The following PRKN variants were observed in gnomAD, a reference collection of about 807,000 sequenced individuals.
PRKN encodes the protein E3 ubiquitin-protein ligase parkin.
PRKN carries 56 observed loss-of-function variants against 59.5 expected under a neutral mutation model. The ratio of observed to expected loss-of-function variants is 0.94; its 90% confidence interval spans 0.76 to 1.18. PRKN has a LOEUF of 1.18. Among genes scored for constraint, PRKN ranks in the 50% most tolerant of loss-of-function variants. The pLI is 0.00. For synonymous variants in PRKN, 250 were observed against 222.1 expected, an observed-to-expected ratio of 1.13 and a Z score of -1.12; for missense variants, 657 against 596.4, an observed-to-expected ratio of 1.10 and a Z score of -1.06.
rs78133676 is a variant in PRKN, at chr6:162,268,593, T to G, written c.172-5828A>C. ...CCAAGAGAACTGTGCCTGGCACAGA[T>G]AATGCTGTTTTACAGATTACTTATT... On this transcript the variant is annotated intron_variant, in intron 2 of 11. Transcript: ENST00000366898. Among the ~76,000 whole-genome samples, 1,262 of 152,344 alleles carry G rather than the reference T, an allele frequency of 8.3e-3. 25 individuals are homozygous for G. Among genetic ancestry groups the G allele is most frequent in the South Asian group, 0.064 (310 of 4,824 alleles).
At chr6:162,377,540 G>A (rs982121393) in intron 2 of PRKN, among the ~76,000 whole-genome samples, 1 of 152,200 alleles carries the variant, frequency 6.6e-6, no homozygotes, top group Non-Finnish European at 1.5e-5. Flanking sequence ...CTGTCCAAAA[G>A]AGGGGATCTA....
chr6:161,719,549 A>C (rs1029308783), intron 7 of PRKN, among the ~76,000 whole-genome samples: 1 of 152,200 alleles, frequency 6.6e-6, no homozygotes, highest in South Asian at 2.1e-4. Flanking sequence ...GATATAATTT[A>C]AGTCATCTCT....
chr6:161,364,019 A>T (rs559583281), intron 10 of PRKN, among the ~76,000 whole-genome samples: 1 of 151,986 alleles, frequency 6.6e-6, no homozygotes, highest in East Asian at 1.9e-4. Context: ...ATTACAAAAA[A>T]TTAGCTGGGC....
intron 4 of PRKN, among the ~76,000 whole-genome samples, chr6:162,164,205 G>C (rs1477597663): frequency 6.7e-6 from 1 of 148,910 alleles, no homozygotes; most frequent in African/African-American, 2.5e-5. Flanking sequence ...AAAAGGTTTT[G>C]AGTGGTCAAC....
intron 7 of PRKN, among the ~76,000 whole-genome samples, chr6:161,740,140 C>T (rs760462953): frequency 2.6e-5 from 4 of 152,154 alleles, no homozygotes; most frequent in Admixed American, 6.5e-5. Context: ...CTGCCCAAAG[C>T]GACTTGACAT....
chr6:161,373,496 G>C lies in PRKN; in HGVS notation c.1168-13291C>G, dbSNP rs1411908026. On this transcript the variant is annotated intron_variant, in intron 10 of 11. Coordinates refer to ENST00000366898, the MANE Select transcript of PRKN (RefSeq NM_004562.3). The surrounding 1 kb of genome is among the most constrained non-coding windows in gnomAD (Gnocchi z 4.8). ...AGAACAGCAGTGCTGAGCCTAAATGGGCTATGCCTCTGTGCTTACAGGGGT... is the reference window on the plus strand; with the variant it reads ...AGAACAGCAGTGCTGAGCCTAAATGCGCTATGCCTCTGTGCTTACAGGGGT... 6.6e-6 allele frequency among the ~76,000 whole-genome samples: 1 copy of C among 152,140 alleles called. No individual in the cohort carries two copies. The highest frequency in any genetic ancestry group is 1.5e-5 in the Non-Finnish European group (1 of 68,034).
chr6:161,972,222 C>A (rs1448452023), intron 6 of PRKN, among the ~76,000 whole-genome samples: 2 of 149,340 alleles, frequency 1.3e-5, no homozygotes, highest in Non-Finnish European at 3.0e-5. Context: ...TGCAGTGAGC[C>A]GAGATCCCGC....
chr6:162,437,154 T>C (rs916565809), intron 2 of PRKN, among the ~76,000 whole-genome samples: 1 of 152,104 alleles, frequency 6.6e-6, no homozygotes. Context: ...TCTCTATAAG[T>C]TTTACTCACC....
chr6:161,473,606 T>C lies in PRKN; in HGVS notation c.1083+75248A>G, dbSNP rs531226370. 2.6e-3 allele frequency among the ~76,000 whole-genome samples: 396 copies of C among 151,686 alleles called. 1 individual carries two copies. Among genetic ancestry groups the C allele is most frequent in the African/African-American group, 8.9e-3 (369 of 41,356 alleles). On this transcript the variant is annotated intron_variant, in intron 9 of 11. Transcript: ENST00000366898. The surrounding 1 kb of genome is among the most constrained non-coding windows in gnomAD (Gnocchi z 4.1). Reference sequence around the variant, plus strand: ...AATTGTGGCAGAAAATGGGGAGATATGGGTCAAAGCATACAAAGTTACAGG... The same window carrying C: ...AATTGTGGCAGAAAATGGGGAGATACGGGTCAAAGCATACAAAGTTACAGG...
At chr6:162,213,272 G>C (rs186775975) in intron 3 of PRKN, among the ~76,000 whole-genome samples, 1 of 152,130 alleles carries the variant, frequency 6.6e-6, no homozygotes, top group Non-Finnish European at 1.5e-5. Flanking sequence ...GAAATCTCAT[G>C]GACTCAACAC....
intron 6 of PRKN, among the ~76,000 whole-genome samples, chr6:161,863,396 T>A (rs1793987266): frequency 6.6e-6 from 1 of 152,084 alleles, no homozygotes; most frequent in Non-Finnish European, 1.5e-5. Context: ...TGCTCAGGAC[T>A]GACAAACATG....
rs141859050 is a variant in PRKN, at chr6:161,475,996, T to C, written c.1083+72858A>G. 0.073 allele frequency among the ~76,000 whole-genome samples: 11,095 copies of C among 151,842 alleles called. 475 individuals are homozygous for C. Among genetic ancestry groups the C allele is most frequent in the African/African-American group, 0.12 (4,819 of 41,454 alleles). ...GGTCAGGAGATGGAGACCATCCTGG[T>C]TAACACGGTGAAAGCCTGTCTCTAC... is the stretch of plus-strand genomic sequence containing the variant. On this transcript the variant is annotated intron_variant, in intron 9 of 11. Transcript: ENST00000366898. This position sits in a 1 kb window ranked among gnomAD's most constrained non-coding sequence, Gnocchi z 5.3.
In PRKN at chr6:161,550,738, C is replaced by CGTGTGTGTGT. The variant is rs57908717; in HGVS notation, c.934-1745_934-1736dup. Among the ~76,000 whole-genome samples the CGTGTGTGTGT allele has an allele frequency of 0.019, 2,841 of 146,284 alleles. 57 individuals are homozygous for CGTGTGTGTGT. The highest frequency in any genetic ancestry group is 0.047 in the African/African-American group (1,838 of 38,736). Reference sequence around the variant, plus strand: ...AAGAAAGGGTATGTGTGTGTGTGCACGTGTGTGTGTGTGTGTGTGTGTGTA... The same window carrying CGTGTGTGTGT: ...AAGAAAGGGTATGTGTGTGTGTGCACGTGTGTGTGTGTGTGTGTGTGTGTGTGTGTGTGTA... On this transcript the variant is annotated intron_variant, in intron 8 of 11. Coordinates refer to ENST00000366898, the MANE Select transcript of PRKN (RefSeq NM_004562.3). The surrounding 1 kb of genome is among the most constrained non-coding windows in gnomAD (Gnocchi z 4.0).
At chr6:162,466,515 C>T (rs1791422803) in intron 1 of PRKN, among the ~76,000 whole-genome samples, 1 of 152,078 alleles carries the variant, frequency 6.6e-6, no homozygotes, top group African/African-American at 2.4e-5. Flanking sequence ...CCTCCCACCT[C>T]ACCCTCAAGA....
At chr6:162,035,244 A>G (rs1313835515) in intron 5 of PRKN, among the ~76,000 whole-genome samples, 1 of 152,162 alleles carries the variant, frequency 6.6e-6, no homozygotes, top group African/African-American at 2.4e-5. Context: ...GAATTCACTC[A>G]TTACCTTGAG....
At chr6:161,733,959 TACACACAC>T (rs10597403) in intron 7 of PRKN, among the ~76,000 whole-genome samples, 56,539 of 133,316 alleles carry the variant, frequency 0.42, 12,382 homozygotes, top group Admixed American at 0.54. Context: ...AAAATTCATT[TACACACAC>T]ACACACACAC....
chr6:162,387,023 G>A (rs976909370), intron 2 of PRKN, among the ~76,000 whole-genome samples: 3 of 151,902 alleles, frequency 2.0e-5, no homozygotes, highest in African/African-American at 7.3e-5. Flanking sequence ...TAATTAAAAA[G>A]TCGACTTGAG....
intron 7 of PRKN, among the ~76,000 whole-genome samples, chr6:161,690,702 T>C (rs1046517061): frequency 6.6e-6 from 1 of 152,120 alleles, no homozygotes; most frequent in Non-Finnish European, 1.5e-5. Flanking sequence ...GAATTTTCCC[T>C]CCGCCTGACC....
chr6:162,720,703 G>A (rs1373085166), intron 1 of PRKN, among the ~76,000 whole-genome samples: 1 of 151,942 alleles, frequency 6.6e-6, no homozygotes, highest in Non-Finnish European at 1.5e-5. Flanking sequence ...ACCCGCCTCG[G>A]CCTCCCAAGG....
Sources: allele counts gnomAD v4.1 joint callset (sites outside exome capture counted in the v4.1 genomes callset), GRCh38; gene constraint gnomAD v4.1.1; non-coding constraint Gnocchi (gnomAD v3.1); transcripts MANE v1.5; gene names NCBI Gene and HGNC (gene_info 2026-07-23, HGNC 2026-07-21).